PSMA6: variants seen among roughly 807,000 people sequenced by gnomAD.
PSMA6 encodes the protein proteasome subunit alpha type-6.
For synonymous variants in PSMA6, 88 were observed against 97.7 expected (o/e 0.90, Z 0.59); for missense variants, 170 against 294.8 (o/e 0.58, Z 3.10).
intron 1 of PSMA6, among the ~76,000 whole-genome samples, chr14:35,285,459 A>ATT (rs2051413690): frequency 1.3e-5 from 2 of 152,302 alleles, no homozygotes; most frequent in South Asian, 4.1e-4. Context: ...AATGATCAGA[A>ATT]ACCTCATTCA....
At chr14:35,278,727 C>T in intron 1 of PSMA6, 3 of 1,534,230 alleles carry the variant, frequency 2.0e-6, no homozygotes, top group Non-Finnish European at 2.6e-6. Flanking sequence ...AGGTAAGTCC[C>T]TCACTCAGAC....
At chr14:35,278,763 C>T in intron 1 of PSMA6, 1 of 1,523,044 alleles carries the variant, frequency 6.6e-7, no homozygotes, top group Non-Finnish European at 8.8e-7. Context: ...TACTATATTA[C>T]TGATTCTTTG....
upstream of PSMA6, among the ~76,000 whole-genome samples, chr14:35,291,769 G>A (rs1194174595): frequency 1.4e-5 from 2 of 145,034 alleles, no homozygotes; most frequent in Non-Finnish European, 3.0e-5. Context: ...GTTGCAGTCA[G>A]CCGAGATCGC....
At chr14:35,282,105 T>C (rs1016227785) in intron 1 of PSMA6, among the ~76,000 whole-genome samples, 6 of 152,222 alleles carry the variant, frequency 3.9e-5, no homozygotes, top group African/African-American at 1.2e-4. Context: ...ATTCCACATT[T>C]GCAGCTGACC....
chr14:35,307,219 T>C lies in PSMA6; in HGVS notation c.77-775T>C, dbSNP rs550837866. On this transcript the variant is annotated intron_variant, in intron 1 of 6. Transcript: ENST00000261479. Reference sequence around the variant, plus strand: ...AAGCATGATCCAGAAATATTCAACTTGGTAGACAAAAATTAATGCAAAATA... The same window carrying C: ...AAGCATGATCCAGAAATATTCAACTCGGTAGACAAAAATTAATGCAAAATA... Among the ~76,000 whole-genome samples, 196 of 152,124 alleles carry C rather than the reference T, an allele frequency of 1.3e-3. 1 individual carries two copies. The highest frequency in any genetic ancestry group is 2.8e-3 in the Admixed American group (43 of 15,252).
chr14:35,304,665 T>A (rs1337402660), intron 1 of PSMA6, among the ~76,000 whole-genome samples: 1 of 150,622 alleles, frequency 6.6e-6, no homozygotes, highest in African/African-American at 2.4e-5. Flanking sequence ...AGGCAGGGGT[T>A]GCAGTAAGCC....
chr14:35,298,769 G>A (rs771190719), intron 1 of PSMA6, among the ~76,000 whole-genome samples: 2 of 151,124 alleles, frequency 1.3e-5, no homozygotes, highest in African/African-American at 4.9e-5. Context: ...AGTTTCACTC[G>A]GTTGCCCAGG....
chr14:35,290,549 T>C (rs2138709597), upstream of PSMA6, among the ~76,000 whole-genome samples: 1 of 152,354 alleles, frequency 6.6e-6, no homozygotes, highest in Admixed American at 6.5e-5. Context: ...TTAAAAACAC[T>C]TGAGAAATTG....
At chr14:35,314,510 A>C (rs2052003140) in intron 6 of PSMA6, 55 bp downstream of exon 6, 1 of 1,547,548 alleles carries the variant, frequency 6.5e-7, no homozygotes, top group South Asian at 1.2e-5. Flanking sequence ...GTGTGAGTCC[A>C]TGTGTCCTAT....
At chr14:35,313,605 G>A (rs2051984903) in intron 5 of PSMA6, 1 of 152,160 alleles carries the variant, frequency 6.6e-6, no homozygotes, top group Admixed American at 6.6e-5. Flanking sequence ...GAAGTACTGG[G>A]CCCTGTCTAA....
chr14:35,300,467 G>A (rs2051690467), intron 1 of PSMA6, among the ~76,000 whole-genome samples: 1 of 152,094 alleles, frequency 6.6e-6, no homozygotes. Context: ...GTGAGACCTT[G>A]TCTCAGAAAA....
chr14:35,293,719 T>C (rs1178922104), intron 1 of PSMA6, among the ~76,000 whole-genome samples: 1 of 152,222 alleles, frequency 6.6e-6, no homozygotes, highest in Non-Finnish European at 1.5e-5. Context: ...TGATTAAAGA[T>C]AGAACAAAGA....
At chr14:35,294,025 C>A (rs372345938) in intron 1 of PSMA6, among the ~76,000 whole-genome samples, 7 of 152,128 alleles carry the variant, frequency 4.6e-5, no homozygotes, top group Admixed American at 4.6e-4. Flanking sequence ...AGTTCATTAT[C>A]TAGACAGAAT....
upstream of PSMA6, among the ~76,000 whole-genome samples, chr14:35,289,152 G>A (rs2051450995): frequency 6.6e-6 from 1 of 152,084 alleles, no homozygotes; most frequent in Admixed American, 6.6e-5. Flanking sequence ...AAAAAAGGAT[G>A]AACTAACTCC....
chr14:35,278,701 T>G (rs2051331930), exon 1 of PSMA6: 1 of 1,534,690 alleles, frequency 6.5e-7, no homozygotes, highest in Non-Finnish European at 8.7e-7. Flanking sequence ...GAGGTGGCTA[T>G]GGCAGGTCTT....
chr14:35,283,421 G>A (rs1333640047), intron 1 of PSMA6, among the ~76,000 whole-genome samples: 2 of 151,776 alleles, frequency 1.3e-5, no homozygotes, highest in African/African-American at 4.8e-5. Context: ...ATGTCTGGAA[G>A]GAATAACATT....
At chr14:35,289,915 C>CA (rs750610944), upstream of PSMA6, among the ~76,000 whole-genome samples, 30,271 of 79,168 alleles carry the variant, frequency 0.38, 6,622 homozygotes, top group East Asian at 0.72. Context: ...TACCGCATTT[C>CA]AAAAAAAAAA....
upstream of PSMA6, among the ~76,000 whole-genome samples, chr14:35,289,882 C>T (rs2051458521): frequency 7.1e-6 from 1 of 141,710 alleles, no homozygotes; most frequent in South Asian, 2.2e-4. Flanking sequence ...TGCCACTGCA[C>T]TCCAGTCTGG....
chr14:35,279,027 C>G (rs2051336643), intron 1 of PSMA6, among the ~76,000 whole-genome samples: 1 of 151,870 alleles, frequency 6.6e-6, no homozygotes, highest in African/African-American at 2.4e-5. Flanking sequence ...TTCTTACAGT[C>G]ACTTCTTCCT....
Sources: gnomAD v4.1 joint callset for allele counts (sites outside exome capture counted in the v4.1 genomes callset) on GRCh38, gnomAD v4.1.1 for gene constraint, MANE v1.5 for transcripts, NCBI Gene and HGNC (gene_info 2026-07-23, HGNC 2026-07-21) for gene names.